Variants in APBB2 observed in about 807,000 individuals in gnomAD.
APBB2 encodes the protein Fe65-like 1.
APBB2 carries 38 observed loss-of-function variants against 82.5 expected under a neutral mutation model. The observed-to-expected ratio is 0.46, with a 90% CI of 0.36 to 0.60. The LOEUF is 0.60. Ranked by LOEUF, APBB2 falls within the 20% of genes least tolerant of loss-of-function variation. The probability of loss-of-function intolerance (pLI) is 0.00; values close to 1 mark genes in which losing one functional copy is unlikely to be tolerated. For missense variants in APBB2, 772 were observed against 972.3 expected (o/e 0.79, Z 2.74); for synonymous variants, 341 against 368.2 (o/e 0.93, Z 0.85).
At chr4:41,202,700 T>TGCTCAAGGTCAA (rs1344442304) in intron 1 of APBB2, among the ~76,000 whole-genome samples, 1 of 152,216 alleles carries the variant, frequency 6.6e-6, no homozygotes, top group Non-Finnish European at 1.5e-5. Flanking sequence ...ATTTCAAAAA[T>TGCTCAAGGTCAA]TAACTTTCAA....
chr4:40,827,310 C>A (rs146702738), intron 13 of APBB2, 91 bp from the exon 14 acceptor site: 3 of 1,091,628 alleles, frequency 2.7e-6, no homozygotes, highest in Non-Finnish European at 4.2e-6. Context: ...GTTGACTTCA[C>A]TTCCAAGTTA....
intron 3 of APBB2, among the ~76,000 whole-genome samples, chr4:41,094,700 G>C (rs954639174): frequency 6.6e-6 from 1 of 152,138 alleles, no homozygotes; most frequent in Admixed American, 6.5e-5. Flanking sequence ...GAGTAGCTGG[G>C]ATTACAGGCA....
At chr4:40,986,419 C>T (rs1800434991) in intron 6 of APBB2, among the ~76,000 whole-genome samples, 1 of 152,210 alleles carries the variant, frequency 6.6e-6, no homozygotes, top group South Asian at 2.1e-4. Flanking sequence ...TAAACAGCTT[C>T]ATGTGTAAAC....
intron 10 of APBB2, among the ~76,000 whole-genome samples, chr4:40,911,007 C>A (rs1172366227): frequency 1.3e-5 from 2 of 152,246 alleles, no homozygotes; most frequent in African/African-American, 4.8e-5. Context: ...CAGTTTGAAT[C>A]TCAGCTCCCT....
intron 10 of APBB2, among the ~76,000 whole-genome samples, chr4:40,893,955 C>T (rs918954161): frequency 6.6e-6 from 1 of 151,074 alleles, no homozygotes; most frequent in Non-Finnish European, 1.5e-5. Context: ...GCCTGGGAGA[C>T]ACAGCGAGAC....
At chr4:41,089,763 C>T (rs1433772960) in intron 3 of APBB2, among the ~76,000 whole-genome samples, 1 of 152,084 alleles carries the variant, frequency 6.6e-6, no homozygotes, top group East Asian at 1.9e-4. Context: ...TAAATCTACC[C>T]TACTTTAAGA....
intron 10 of APBB2, among the ~76,000 whole-genome samples, chr4:40,898,716 A>G (rs1774392109): frequency 6.6e-6 from 1 of 151,802 alleles, no homozygotes. Context: ...CTTTCTTAAA[A>G]CACACAACAG....
intron 1 of APBB2, among the ~76,000 whole-genome samples, chr4:41,171,956 TG>T (rs1210385192): frequency 6.6e-6 from 1 of 152,006 alleles, no homozygotes; most frequent in East Asian, 1.9e-4. Context: ...AAAAATTAGC[TG>T]GGCATGGTGG....
In APBB2 at chr4:41,086,920, CCACA is replaced by C. The variant is rs140593111; in HGVS notation, c.-149+13715_-149+13718del. ...TCATGGGTAGAAAACCTTAAAAATT[CCACA>C]CACACACACACACACACACACACAC... On this transcript the variant is annotated intron_variant, in intron 3 of 17. Transcript: ENST00000508593. 2.3e-3 allele frequency among the ~76,000 whole-genome samples: 88 copies of C among 38,670 alleles called. No homozygotes were observed. The East Asian group carries it at 0.029, about 13-fold the overall frequency. 25.4% of individuals were successfully genotyped at this position (38,670 alleles called of 152,430 possible). A position where few individuals can be genotyped will look rare whatever the true frequency, so the allele number is the denominator to read the frequency against.
intron 4 of APBB2, among the ~76,000 whole-genome samples, chr4:41,034,801 T>C (rs1181623103): frequency 6.6e-6 from 1 of 152,242 alleles, no homozygotes; most frequent in Non-Finnish European, 1.5e-5. Context: ...AATAGAAAGA[T>C]CTAGAAATAC....
chr4:40,960,437 T>A (rs1289050238), intron 6 of APBB2, among the ~76,000 whole-genome samples: 1 of 141,470 alleles, frequency 7.1e-6, no homozygotes, highest in African/African-American at 2.5e-5. Context: ...AAACAGAAAT[T>A]TTTTTTCGGG....
chr4:40,897,463 A>G (rs1773987675), intron 10 of APBB2, among the ~76,000 whole-genome samples: 1 of 152,104 alleles, frequency 6.6e-6, no homozygotes, highest in Non-Finnish European at 1.5e-5. Flanking sequence ...GGCTGCAGTG[A>G]GCCGAGATCG....
At chr4:41,145,804 G>A (rs1383537027) in intron 1 of APBB2, among the ~76,000 whole-genome samples, 1 of 152,236 alleles carries the variant, frequency 6.6e-6, no homozygotes, top group Non-Finnish European at 1.5e-5. Context: ...GCATGCACCA[G>A]TGTTAGAAAT....
At chr4:40,933,254 C>G (rs1026177898) in intron 10 of APBB2, among the ~76,000 whole-genome samples, 1 of 152,190 alleles carries the variant, frequency 6.6e-6, no homozygotes, top group Non-Finnish European at 1.5e-5. Context: ...ACTCAGGGCC[C>G]TGTCCATATC....
rs1298225244 is a variant in APBB2, at chr4:40,836,948, A to T, written c.1530-6371T>A. ...TCAGCTGGCTTCCACAGTGATCAAA[A>T]TGTCACCCATTAGTTTTTTACACAG... On this transcript the variant is annotated intron_variant, in intron 12 of 17. Coordinates refer to ENST00000508593, the MANE Select transcript of APBB2 (RefSeq NM_004307.2). Among the ~76,000 whole-genome samples the T allele has an allele frequency of 2.6e-5, 4 of 152,328 alleles. No homozygotes were observed. In the East Asian group the frequency reaches 7.7e-4, roughly 29 times the overall value.
At chr4:40,959,239 A>G (rs1227862289) in intron 6 of APBB2, among the ~76,000 whole-genome samples, 1 of 152,256 alleles carries the variant, frequency 6.6e-6, no homozygotes, top group East Asian at 1.9e-4. Flanking sequence ...TTTCAGAGTG[A>G]GCAGCAGGAG....
chr4:41,210,957 T>C (rs769098462), intron 1 of APBB2, among the ~76,000 whole-genome samples: 20 of 152,112 alleles, frequency 1.3e-4, no homozygotes, highest in Admixed American at 2.6e-4. Context: ...ATAGGACACA[T>C]AAAAAGCACT....
intron 10 of APBB2, among the ~76,000 whole-genome samples, chr4:40,914,571 T>C (rs571797782): frequency 6.6e-6 from 1 of 151,920 alleles, no homozygotes; most frequent in Admixed American, 6.6e-5. Context: ...AATACATAGG[T>C]AGATAGACAG....
intron 3 of APBB2, among the ~76,000 whole-genome samples, chr4:41,067,726 A>C (rs974048219): frequency 6.6e-6 from 1 of 152,204 alleles, no homozygotes; most frequent in Non-Finnish European, 1.5e-5. Context: ...GAGATGAATA[A>C]AGATAAAAAA....
Sources: allele counts gnomAD v4.1 joint callset (sites outside exome capture counted in the v4.1 genomes callset), GRCh38; gene constraint gnomAD v4.1.1; transcripts MANE v1.5; gene names NCBI Gene and HGNC (gene_info 2026-07-23, HGNC 2026-07-21).